USP36: variants seen among roughly 807,000 people sequenced by gnomAD.
USP36 encodes ubiquitin specific peptidase 36, also known as ubiquitin carboxyl-terminal hydrolase 36.
Under a neutral mutation model 111.5 loss-of-function variants are expected in USP36, and 59 were observed. The observed-to-expected ratio is 0.53, with a 90% CI of 0.43 to 0.66. The LOEUF (loss-of-function observed/expected upper bound fraction) is 0.66. Ranked by LOEUF, USP36 falls within the 30% of genes least tolerant of loss-of-function variation. The pLI is 0.00. For missense variants in USP36, 1,488 were observed against 1,468.0 expected, an observed-to-expected ratio of 1.01 and a Z score of -0.22; for synonymous variants, 628 against 581.0, an observed-to-expected ratio of 1.08 and a Z score of -1.16.
chr17:78,792,805 A>G (rs2093594312), downstream of USP36, among the ~76,000 whole-genome samples: 1 of 151,716 alleles, frequency 6.6e-6, no homozygotes, highest in Non-Finnish European at 1.5e-5. Flanking sequence ...TGCAACCTCC[A>G]CCTCCCAGGT....
At position 78,798,217 on chromosome 17, in the gene USP36, T is replaced by G. The variant is rs1045620018; in HGVS notation, c.*20+183A>C. On this transcript the variant is annotated intron_variant, in intron 20 of 20. Coordinates refer to ENST00000449938, the MANE Select transcript of USP36 (RefSeq NM_001385174.1). This position sits in a 1 kb window ranked among gnomAD's most constrained non-coding sequence, Gnocchi z 5.1. ...TACACACGCATCCCACACACACCCT[T>G]CTCCAAGTGACTAGGACACACACCA... The G allele has an allele frequency of 9.8e-5, 69 of 704,616 alleles. No homozygotes were observed. The highest frequency in any genetic ancestry group is 1.8e-5 in the Non-Finnish European group (8 of 438,154). 43.6% of individuals were successfully genotyped at this position (704,616 alleles called of 1,614,324 possible).
At chr17:78,793,537 C>G (rs956359725), downstream of USP36, among the ~76,000 whole-genome samples, 1 of 152,146 alleles carries the variant, frequency 6.6e-6, no homozygotes, top group African/African-American at 2.4e-5. Flanking sequence ...GGGCCACCTC[C>G]GGGCAAGAGT....
intron 9 of USP36, 169 bp from the exon 10 acceptor site, chr17:78,818,947 G>C (rs2094252802): frequency 3.3e-6 from 2 of 605,118 alleles, no homozygotes; most frequent in Non-Finnish European, 5.7e-6. Flanking sequence ...CATGCCTCAA[G>C]TAAAGGAAAG....
intron 9 of USP36, 116 bp from the exon 10 acceptor site, chr17:78,818,894 C>A: frequency 9.4e-7 from 1 of 1,059,452 alleles, no homozygotes; most frequent in Non-Finnish European, 1.4e-6. Flanking sequence ...GAATCTTCAT[C>A]AATGAGATTT....
In USP36 at chr17:78,821,582, C is replaced by T. The variant is rs562353645; in HGVS notation, c.757+355G>A. Among the ~76,000 whole-genome samples the T allele has an allele frequency of 7.9e-4, 120 of 151,506 alleles. 1 individual carries two copies. The highest frequency in any genetic ancestry group is 1.3e-3 in the Admixed American group (19 of 15,200). On this transcript the variant is annotated intron_variant, in intron 7 of 20. Transcript: ENST00000449938. ...AGCTGGGATTGCAGGCATGTGCCAC[C>T]GCGCCTGGCTGATTTTTGTATTTTT...
intron 13 of USP36, among the ~76,000 whole-genome samples, chr17:78,810,746 CTG>C (rs2094029102): frequency 6.6e-6 from 1 of 152,172 alleles, no homozygotes; most frequent in Admixed American, 6.5e-5. Flanking sequence ...CCCCTGCAGA[CTG>C]TGAAAGGCCC....
rs185283962 is a variant in USP36 at position 78,832,368 on chromosome 17, C to T, written c.475+2912G>A. Among the ~76,000 whole-genome samples the T allele has an allele frequency of 1.6e-3, 242 of 152,312 alleles. 3 individuals are homozygous for T. The highest frequency in any genetic ancestry group is 1.1e-3 in the Non-Finnish European group (73 of 68,040). ...ACAGCCAAAGCCCACTTAGGGGTCA[C>T]TCAGGATCCAGTGGGGTGCAGGAAA... On this transcript the variant is annotated intron_variant, in intron 4 of 20. Coordinates refer to ENST00000449938, the MANE Select transcript of USP36 (RefSeq NM_001385174.1).
intron 17 of USP36, among the ~76,000 whole-genome samples, chr17:78,800,829 C>T (rs537956863): frequency 6.6e-6 from 1 of 152,344 alleles, no homozygotes; most frequent in African/African-American, 2.4e-5. Context: ...CCAGGGCGCA[C>T]TTCAGTAGAC....
chr17:78,832,319 G>A (rs976732862), intron 4 of USP36, among the ~76,000 whole-genome samples: 4 of 152,190 alleles, frequency 2.6e-5, no homozygotes, highest in African/African-American at 9.7e-5. Context: ...CTCTTCAAAT[G>A]CCATGTGCTA....
At position 78,803,607 on chromosome 17, in the gene USP36, C is replaced by A; in HGVS notation, c.2588G>T (p.Gly863Val). The change falls in exon 16 of 21, where the codon GGG (glycine) becomes GTG (valine). Residue 863 changes from glycine (G) to valine (V), a missense_variant. Around this residue, in one of 3 missense-constraint regions of USP36, gnomAD observed 1,073 missense variants for 994.1 expected, o/e 1.08. Coordinates refer to ENST00000449938, the MANE Select transcript of USP36 (RefSeq NM_001385174.1). The surrounding 1 kb of genome is among the most constrained non-coding windows in gnomAD (Gnocchi z 4.6). ...GCTCCCAGGCTGTCTCTGTGTCTGC[C>A]CCTCCTGCAGGGCGCTGGCAGCTGT... Reference protein sequence around the residue: ...EDTAASALQEGQTQRQPGSPM... With the variant: ...EDTAASALQEVQTQRQPGSPM... 1 of 1,612,582 alleles carries A rather than the reference C, an allele frequency of 6.2e-7. No homozygotes were observed. The highest frequency in any genetic ancestry group is 1.1e-5 in the South Asian group (1 of 91,072).
intron 3 of USP36, among the ~76,000 whole-genome samples, chr17:78,789,320 T>C (rs1403110942): frequency 6.6e-6 from 1 of 150,628 alleles, no homozygotes; most frequent in African/African-American, 2.4e-5. Context: ...GATCTAGAGG[T>C]AGCAGCTTTT....
downstream of USP36, among the ~76,000 whole-genome samples, chr17:78,795,236 A>G (rs1419123826): frequency 6.6e-6 from 1 of 151,972 alleles, no homozygotes; most frequent in African/African-American, 2.4e-5. The surrounding 1 kb of genome is among the most constrained non-coding windows in gnomAD (Gnocchi z 4.5). Flanking sequence ...GAGCTGCCTC[A>G]CCTCGCTTGT....
Position 78,798,766 on chromosome 17 carries a change from A to C in USP36, c.3240+142T>G. On this transcript the variant is annotated intron_variant, in intron 19 of 20. Transcript: ENST00000449938. The surrounding 1 kb of genome is among the most constrained non-coding windows in gnomAD (Gnocchi z 5.1). ...GGATGCATGCCCTGTCCATGGCCAC[A>C]CGCCCGGACAGGCCTGGGCAGCCTG... The C allele has an allele frequency of 8.3e-7, 1 of 1,210,588 alleles. No homozygotes were observed. 75.0% of individuals were successfully genotyped at this position (1,210,588 alleles called of 1,614,324 possible). A position where few individuals can be genotyped will look rare whatever the true frequency, so the allele number is the denominator to read the frequency against.
chr17:78,832,760 A>G (rs7224531), intron 4 of USP36, among the ~76,000 whole-genome samples: 8,592 of 152,256 alleles, frequency 0.056, 769 homozygotes, highest in African/African-American at 0.19. Flanking sequence ...CGAAAACAAC[A>G]GCCATCTAGT....
At chr17:78,807,713 T>G (rs1305991222) in intron 13 of USP36, 77 bp from the exon 14 acceptor site, 1 of 1,388,606 alleles carries the variant, frequency 7.2e-7, no homozygotes. Flanking sequence ...AAGGCCACAG[T>G]GAATCTTAGT....
At chr17:78,808,577 A>G (rs1231849924) in intron 13 of USP36, among the ~76,000 whole-genome samples, 1 of 152,160 alleles carries the variant, frequency 6.6e-6, no homozygotes, top group Non-Finnish European at 1.5e-5. Context: ...ACATTTTACT[A>G]TATATACTAT....
At chr17:78,805,741 C>A (rs141534176) in intron 15 of USP36, among the ~76,000 whole-genome samples, 1 of 152,214 alleles carries the variant, frequency 6.6e-6, no homozygotes, top group Non-Finnish European at 1.5e-5. Context: ...GCAGGCAAGA[C>A]GTCCCACAAA....
rs754840091 is a variant in USP36, at chr17:78,836,375, G to C, written c.-9-3C>G. On this transcript the variant is annotated splice_region_variant and splice_polypyrimidine_tract_variant and intron_variant, in intron 2 of 20. Transcript: ENST00000449938. ...TCCACTATTGGCATGGTGCATCACT[G>C]TGGGGACAAGAAGAAACATAGAGCC... is the stretch of plus-strand genomic sequence containing the variant. The C allele has an allele frequency of 6.2e-7, 1 of 1,612,136 alleles. No individual in the cohort carries two copies. The highest frequency in any genetic ancestry group is 2.2e-5 in the East Asian group (1 of 44,860).
Position 78,803,795 on chromosome 17 carries a change from C to T in USP36, c.2400G>A (p.Glu800=), listed in dbSNP as rs1020300529. 6.2e-7 allele frequency: 1 copy of T among 1,612,904 alleles called. No homozygotes were observed. Among genetic ancestry groups the T allele is most frequent in the Non-Finnish European group, 8.5e-7 (1 of 1,180,006 alleles). The stretch of plus-strand genomic sequence containing the variant: ...AGGGGCTCTGGGGGGGCTCACTGGC[C>T]TCTGGCAACTGGTGTGGAAGAGACA... ...DLVSLPHQLP[E]ASEPPQSPSE... The change falls in exon 16 of 21, where the codon GAG becomes GAA. Residue 800 remains glutamate (E), a synonymous_variant. Transcript: ENST00000449938. This position sits in a 1 kb window ranked among gnomAD's most constrained non-coding sequence, Gnocchi z 4.6.
Sources: allele counts gnomAD v4.1 joint callset (sites outside exome capture counted in the v4.1 genomes callset), GRCh38; gene constraint gnomAD v4.1.1; regional missense constraint gnomAD v4.1.1; non-coding constraint Gnocchi (gnomAD v3.1); transcripts MANE v1.5; gene names NCBI Gene and HGNC (gene_info 2026-07-23, HGNC 2026-07-21).